NUP188: variants seen among roughly 807,000 people sequenced by gnomAD.
The protein encoded by NUP188 is nucleoporin NUP188.
Under a neutral mutation model 223.0 loss-of-function variants are expected in NUP188, and 97 were observed. That is an observed-to-expected ratio of 0.43 (90% CI 0.37 to 0.51). The LOEUF (loss-of-function observed/expected upper bound fraction) is 0.51. Ranked by LOEUF, NUP188 falls within the 20% of genes least tolerant of loss-of-function variation. The pLI, the probability that NUP188 is intolerant of heterozygous loss-of-function variation, is 0.00. For missense variants in NUP188, 1,947 were observed against 2,175.6 expected (o/e 0.89, Z 2.09); for synonymous variants, 869 against 828.0 (o/e 1.05, Z -0.85).
chr9:128,956,486 G>T (rs372036791), intron 4 of NUP188, 52 bp downstream of exon 4: 1 of 910,896 alleles, frequency 1.1e-6, no homozygotes, highest in Non-Finnish European at 1.7e-6. Context: ...GTGGATGTGC[G>T]TGGTTATATT....
intron 36 of NUP188, 50 bp downstream of exon 36, chr9:129,002,026 C>A (rs758598756): frequency 5.4e-6 from 8 of 1,476,566 alleles, no homozygotes; most frequent in Admixed American, 5.0e-5. Context: ...CCCTACAGTT[C>A]CAGTTGAAAA....
At chr9:129,003,543 T>G in intron 38 of NUP188, 89 bp downstream of exon 38, 1 of 1,439,072 alleles carries the variant, frequency 6.9e-7, no homozygotes, top group Non-Finnish European at 9.7e-7. Context: ...CCTAGTGAAT[T>G]GCAGGATGTT....
Position 128,987,737 on chromosome 9 carries a change from T to C in NUP188, c.2393+20T>C, listed in dbSNP as rs1244828368. On this transcript the variant is annotated intron_variant, in intron 23 of 43. Coordinates refer to ENST00000372577, the MANE Select transcript of NUP188 (RefSeq NM_015354.3). ...TCGAAGGTAGGGCTCCTTCTCCACG[T>C]TCCCTTTGTCTGTCTTTATTGTGCC... 6.2e-7 allele frequency: 1 copy of C among 1,609,148 alleles called. No homozygotes were observed.
chr9:128,970,468 G>A (rs1451734916), intron 10 of NUP188, among the ~76,000 whole-genome samples: 1 of 152,196 alleles, frequency 6.6e-6, no homozygotes, highest in Non-Finnish European at 1.5e-5. Context: ...ATAGAGCATA[G>A]AAAGTTTGAG....
intron 38 of NUP188, chr9:129,003,794 G>A (rs1842722111): frequency 2.9e-6 from 1 of 342,398 alleles, no homozygotes; most frequent in African/African-American, 2.2e-5. Flanking sequence ...CCAACATGGT[G>A]AAACCCTGTC....
intron 32 of NUP188, 119 bp downstream of exon 32, chr9:128,998,742 T>C: frequency 2.6e-6 from 2 of 777,150 alleles, no homozygotes; most frequent in Non-Finnish European, 2.2e-6. Flanking sequence ...TCTTGAGGAA[T>C]GGGAGTGACA....
chr9:128,954,874 A>G (rs1247898015), intron 3 of NUP188, among the ~76,000 whole-genome samples: 1 of 146,588 alleles, frequency 6.8e-6, no homozygotes, highest in Non-Finnish European at 1.5e-5. Flanking sequence ...TTTTTTTGAG[A>G]TGGAGTTTCG....
At chr9:128,984,798 T>C (rs1842308871) in intron 19 of NUP188, 102 bp from the exon 20 acceptor site, 1 of 684,960 alleles carries the variant, frequency 1.5e-6, no homozygotes, top group Non-Finnish European at 2.4e-6. Context: ...TTTTCTATTT[T>C]ATATTCAAGT....
At chr9:128,948,915 CAG>C (rs1219515225) in intron 1 of NUP188, 6 of 214,636 alleles carry the variant, frequency 2.8e-5, no homozygotes, top group African/African-American at 1.4e-4. Context: ...TCAGTAGAGA[CAG>C]GGTTTCACTG....
At chr9:128,995,121 C>T in intron 29 of NUP188, 198 bp downstream of exon 29, 1 of 635,766 alleles carries the variant, frequency 1.6e-6, no homozygotes, top group Non-Finnish European at 2.8e-6. Context: ...TATTGTGAAG[C>T]AAACTCCATG....
At chr9:128,999,886 C>T in intron 34 of NUP188, 81 bp downstream of exon 34, 1 of 1,338,182 alleles carries the variant, frequency 7.5e-7, no homozygotes, top group Non-Finnish European at 1.1e-6. Flanking sequence ...AAGTAGTGAT[C>T]AAGACAGATA....
intron 29 of NUP188, 171 bp from the exon 30 acceptor site, chr9:128,995,148 G>A (rs1842500121): frequency 1.6e-6 from 1 of 638,834 alleles, no homozygotes; most frequent in Non-Finnish European, 2.8e-6. Context: ...GGATTTTATG[G>A]AGGAGGAATC....
At chr9:128,956,271 A>G (rs1319755968) in intron 3 of NUP188, 79 bp from the exon 4 acceptor site, 5 of 840,566 alleles carry the variant, frequency 5.9e-6, no homozygotes, top group Non-Finnish European at 7.1e-6. Flanking sequence ...AGTCTGTAGG[A>G]AAAATATTTT....
At position 128,998,634 on chromosome 9, in the gene NUP188, G is replaced by A; in HGVS notation, c.3515+11G>A. The A allele has an allele frequency of 6.2e-7, 1 of 1,610,270 alleles. No individual in the cohort carries two copies. Among genetic ancestry groups the A allele is most frequent in the East Asian group, 2.2e-5 (1 of 44,870 alleles). ...CCGGCAGTGGAAGAGGTGAGGCTGT[G>A]CCAGGAGAGGCAAGCCCGAGGCCAG... On this transcript the variant is annotated intron_variant, in intron 32 of 43. Transcript: ENST00000372577.
intron 16 of NUP188, 24 bp downstream of exon 16, chr9:128,982,725 C>T (rs760817172): frequency 6.2e-7 from 1 of 1,612,024 alleles, no homozygotes; most frequent in South Asian, 1.1e-5. Context: ...TCGGAAACAT[C>T]ACCTACGAGG....
chr9:128,958,504 C>A (rs147742109), intron 6 of NUP188, among the ~76,000 whole-genome samples: 1 of 152,222 alleles, frequency 6.6e-6, no homozygotes, highest in East Asian at 1.9e-4. Flanking sequence ...ATGTGTTTGG[C>A]CTGCCTGTTG....
At chr9:128,999,387 C>T in intron 33 of NUP188, 70 bp downstream of exon 33, 1 of 1,568,954 alleles carries the variant, frequency 6.4e-7, no homozygotes, top group South Asian at 1.2e-5. Context: ...GGCAGGGCTT[C>T]CTTCAGCTTA....
chr9:128,973,541 C>T (rs909755372), intron 12 of NUP188, among the ~76,000 whole-genome samples: 1 of 152,082 alleles, frequency 6.6e-6, no homozygotes, highest in Admixed American at 6.6e-5. Flanking sequence ...CGCCACCTTG[C>T]CCAGTTAATT....
At chr9:128,992,458 A>G (rs1389653911) in intron 25 of NUP188, among the ~76,000 whole-genome samples, 1 of 151,466 alleles carries the variant, frequency 6.6e-6, no homozygotes, top group African/African-American at 2.4e-5. Context: ...GCCTCCCAAC[A>G]TGCTGGGATT....
Sources: gnomAD v4.1 joint callset for allele counts (sites outside exome capture counted in the v4.1 genomes callset) on GRCh38, gnomAD v4.1.1 for gene constraint, MANE v1.5 for transcripts, NCBI Gene and HGNC (gene_info 2026-07-23, HGNC 2026-07-21) for gene names.